Variants in PC observed in about 807,000 individuals in gnomAD.
PC encodes pyruvate carboxylase, also known as pyruvate carboxylase, mitochondrial.
A neutral mutation model predicts 107.8 loss-of-function variants in PC; 46 were observed. The observed-to-expected ratio is 0.43, with a 90% CI of 0.34 to 0.55. The LOEUF (loss-of-function observed/expected upper bound fraction) is 0.55, where lower values mean the gene tolerates loss of function less well. PC is among the 20% of genes least tolerant of loss of function. PC has a pLI of 0.04. For missense variants in PC, 1,241 were observed against 1,643.1 expected, an observed-to-expected ratio of 0.76 and a Z score of 4.23; for synonymous variants, 662 against 684.7, an observed-to-expected ratio of 0.97 and a Z score of 0.52.
intron 12 of PC, chr11:66,856,503 C>A (rs964451571): frequency 6.6e-6 from 1 of 152,522 alleles, no homozygotes; most frequent in Non-Finnish European, 1.5e-5. Flanking sequence ...CGCCCCAGCC[C>A]CCCCCACGGC....
Position 66,848,490 on chromosome 11 carries a change from T to G in PC, c.*409A>C. 1.8e-6 allele frequency: 1 copy of G among 569,582 alleles called. No individual in the cohort carries two copies. The highest frequency in any genetic ancestry group is 3.1e-6 in the Non-Finnish European group (1 of 322,996). 35.3% of individuals were successfully genotyped at this position (569,582 alleles called of 1,614,324 possible). ...AAGGCAGCCCCCCACTGCTGAGTGG[T>G]GCAGGCTGGGGGCTGCACAGGATCC... On this transcript the variant is annotated 3_prime_UTR_variant, in exon 23 of 23. Transcript: ENST00000393960.
chr11:66,894,944 C>T (rs1947702507), intron 3 of PC, among the ~76,000 whole-genome samples: 1 of 151,866 alleles, frequency 6.6e-6, no homozygotes, highest in Non-Finnish European at 1.5e-5. Flanking sequence ...ATCACTTGAA[C>T]CCAGGAGGCG....
At chr11:66,912,391 A>G (rs796107271) in intron 3 of PC, among the ~76,000 whole-genome samples, 9 of 152,324 alleles carry the variant, frequency 5.9e-5, no homozygotes, top group African/African-American at 2.2e-4. Flanking sequence ...CAGTCTAGGA[A>G]GACACTCCTT....
intron 3 of PC, among the ~76,000 whole-genome samples, chr11:66,888,060 C>A (rs1947437258): frequency 6.6e-6 from 1 of 152,212 alleles, no homozygotes; most frequent in East Asian, 1.9e-4. Context: ...GCATTCGGGG[C>A]CCACCTGGAT....
At chr11:66,854,896 G>A (rs1224744187) in intron 12 of PC, among the ~76,000 whole-genome samples, 2 of 152,242 alleles carry the variant, frequency 1.3e-5, no homozygotes, top group African/African-American at 4.8e-5. Context: ...CATTTCAGCT[G>A]GGCCAAGGCA....
At chr11:66,868,072 A>C (rs1252390781) in intron 10 of PC, among the ~76,000 whole-genome samples, 1 of 152,252 alleles carries the variant, frequency 6.6e-6, no homozygotes, top group Non-Finnish European at 1.5e-5. Flanking sequence ...TGTCATCCTC[A>C]GTGCCTGCAG....
chr11:66,943,607 C>T (rs1490326786), intron 3 of PC, among the ~76,000 whole-genome samples: 6 of 150,550 alleles, frequency 4.0e-5, no homozygotes, highest in Admixed American at 3.3e-4. Context: ...AAAAATTTGC[C>T]GGGCGTGGTG....
At chr11:66,880,848 C>G (rs755562479) in intron 3 of PC, among the ~76,000 whole-genome samples, 2 of 152,232 alleles carry the variant, frequency 1.3e-5, no homozygotes, top group Non-Finnish European at 2.9e-5. Context: ...GGATGGCAAT[C>G]AAGAAGTTCT....
At position 66,852,300 on chromosome 11, in the gene PC, G is replaced by A. The variant is rs1180770790; in HGVS notation, c.1825+139C>T. 1.6e-5 allele frequency: 13 copies of A among 792,746 alleles called. No homozygotes were observed. The highest frequency in any genetic ancestry group is 2.6e-5 in the East Asian group (1 of 37,880). The allele number at this position is 792,746 out of a possible 1,614,324, so 49.1% of individuals were successfully genotyped here. On this transcript the variant is annotated intron_variant, in intron 15 of 22. Transcript: ENST00000393960. This position sits in a 1 kb window ranked among gnomAD's most constrained non-coding sequence, Gnocchi z 4.7. ...GGCACCAGGCCTGGCCGGAGAGGGC[G>A]CTGTGCCTTCTTCGGTCCTTCCTCT...
At chr11:66,931,458 T>C (rs753275530) in intron 3 of PC, among the ~76,000 whole-genome samples, 7 of 151,488 alleles carry the variant, frequency 4.6e-5, no homozygotes, top group Non-Finnish European at 7.4e-5. Context: ...AGGGGGCTTA[T>C]ATGGTCCTAA....
chr11:66,924,667 C>T (rs1565290193), intron 3 of PC, among the ~76,000 whole-genome samples: 1 of 152,058 alleles, frequency 6.6e-6, no homozygotes, highest in Non-Finnish European at 1.5e-5. Context: ...CACCATGTTG[C>T]CCAGGCTGGT....
At chr11:66,864,773 C>T (rs1287056507) in intron 11 of PC, among the ~76,000 whole-genome samples, 4 of 152,208 alleles carry the variant, frequency 2.6e-5, no homozygotes, top group African/African-American at 9.6e-5. Context: ...ACAGGTGGCT[C>T]GTGCCGCCTG....
chr11:66,853,743 G>A (rs540341195), intron 12 of PC, among the ~76,000 whole-genome samples: 5 of 152,332 alleles, frequency 3.3e-5, no homozygotes, highest in South Asian at 2.1e-4. Context: ...GGCCTTGACC[G>A]CAACAGACCA....
At chr11:66,893,263 CTATAATCAAGGCCCT>C (rs1248710028) in intron 3 of PC, among the ~76,000 whole-genome samples, 1 of 152,176 alleles carries the variant, frequency 6.6e-6, no homozygotes, top group South Asian at 2.1e-4. Flanking sequence ...TTGGCAAACA[CTATAATCAAGGCCCT>C]TTCCTCACTT....
At chr11:66,957,354 C>T (rs754335003) in intron 1 of PC, among the ~76,000 whole-genome samples, 8 of 152,224 alleles carry the variant, frequency 5.3e-5, no homozygotes, top group Non-Finnish European at 8.8e-5. Context: ...AGACGAGGCA[C>T]GCCTGTAATC....
At chr11:66,891,640 C>T (rs977305545) in intron 3 of PC, among the ~76,000 whole-genome samples, 2 of 152,174 alleles carry the variant, frequency 1.3e-5, no homozygotes, top group Non-Finnish European at 2.9e-5. Flanking sequence ...GATCCACCCA[C>T]CTCAGCCTCC....
At chr11:66,911,951 C>T (rs1384311724) in intron 3 of PC, among the ~76,000 whole-genome samples, 4 of 151,604 alleles carry the variant, frequency 2.6e-5, no homozygotes, top group African/African-American at 2.4e-5. Flanking sequence ...GAGAATCCCT[C>T]GAACCCAGGA....
intron 3 of PC, among the ~76,000 whole-genome samples, chr11:66,894,443 A>G (rs1444617712): frequency 1.3e-5 from 2 of 152,158 alleles, no homozygotes; most frequent in Non-Finnish European, 2.9e-5. Flanking sequence ...TCCCTCCCTT[A>G]TGAAATCCCA....
At chr11:66,929,414 T>C (rs1318876246) in intron 3 of PC, among the ~76,000 whole-genome samples, 1 of 152,164 alleles carries the variant, frequency 6.6e-6, no homozygotes, top group African/African-American at 2.4e-5. Flanking sequence ...TCCCCCAGGC[T>C]GGAGTGCAGT....
Sources: gnomAD v4.1 joint callset for allele counts (sites outside exome capture counted in the v4.1 genomes callset) on GRCh38, gnomAD v4.1.1 for gene constraint, Gnocchi (gnomAD v3.1) non-coding constraint, MANE v1.5 for transcripts, NCBI Gene and HGNC (gene_info 2026-07-23, HGNC 2026-07-21) for gene names.